Variants in SAMD12 observed in about 807,000 individuals in gnomAD.
The protein encoded by SAMD12 is sterile alpha motif domain-containing protein 12.
A neutral mutation model predicts 15.0 loss-of-function variants in SAMD12; 9 were observed. The observed-to-expected ratio is 0.60, with a 90% CI of 0.36 to 1.05. The LOEUF (loss-of-function observed/expected upper bound fraction) is 1.05, where lower values mean the gene tolerates loss of function less well. Ranked by LOEUF, SAMD12 falls within the 50% of genes least tolerant of loss-of-function variation. The pLI is 0.01. For missense variants in SAMD12, 230 were observed against 234.2 expected (o/e 0.98, Z 0.12); for synonymous variants, 86 against 90.1 (o/e 0.96, Z 0.25).
chr8:118,532,885 A>T (rs1410343555), intron 2 of SAMD12, among the ~76,000 whole-genome samples: 1 of 151,938 alleles, frequency 6.6e-6, no homozygotes, highest in Non-Finnish European at 1.5e-5. Context: ...CTTTCAAAAA[A>T]CCAGCTCCTG....
At chr8:118,506,379 A>G (rs1007240036) in intron 2 of SAMD12, among the ~76,000 whole-genome samples, 2 of 152,140 alleles carry the variant, frequency 1.3e-5, no homozygotes, top group Admixed American at 1.3e-4. Flanking sequence ...AAAACATCTC[A>G]TGAATTCTAA....
intron 4 of SAMD12, among the ~76,000 whole-genome samples, chr8:118,304,531 G>T (rs188269005): frequency 2.6e-5 from 4 of 152,026 alleles, no homozygotes; most frequent in Non-Finnish European, 5.9e-5. Flanking sequence ...AGGCTGAGCC[G>T]GGTGGATCAT....
intron 1 of SAMD12, among the ~76,000 whole-genome samples, chr8:118,608,139 A>T (rs1390926395): frequency 6.6e-6 from 1 of 151,876 alleles, no homozygotes; most frequent in East Asian, 1.9e-4. Context: ...ATAAATTTGC[A>T]TCAAGAGTAG....
chr8:118,151,278 C>A, the SAMD12 span, among the ~76,000 whole-genome samples: 78 of 151,896 alleles, frequency 5.1e-4, no homozygotes, highest in African/African-American at 1.7e-3. Flanking sequence ...GTTTCTTGTA[C>A]GTGAGTTTTA....
intron 1 of SAMD12, among the ~76,000 whole-genome samples, chr8:118,585,166 A>G (rs1453062581): frequency 6.6e-6 from 1 of 152,222 alleles, no homozygotes; most frequent in Non-Finnish European, 1.5e-5. Flanking sequence ...AACCTTGAAG[A>G]CATTATGCTA....
At chr8:118,269,159 T>A (rs1467643142) in intron 4 of SAMD12, among the ~76,000 whole-genome samples, 1 of 151,874 alleles carries the variant, frequency 6.6e-6, no homozygotes, top group Non-Finnish European at 1.5e-5. Flanking sequence ...CATGTCTTGG[T>A]GGATTTATGC....
chr8:118,562,554 T>C (rs1005010059), intron 2 of SAMD12, among the ~76,000 whole-genome samples: 1 of 151,998 alleles, frequency 6.6e-6, no homozygotes, highest in Non-Finnish European at 1.5e-5. Flanking sequence ...TGATCCACAA[T>C]GTAAAATTCT....
rs549856680 is a variant in SAMD12 at position 118,409,292 on chromosome 8, A to G, written c.323-29592T>C. On this transcript the variant is annotated intron_variant, in intron 3 of 3. Coordinates refer to ENST00000314727, the MANE Select transcript of SAMD12 (RefSeq NM_207506.3). ...ATCATTGACGAGATGAGTTTTTGAG[A>G]ACAACTGTGTTTCTACAATTTTCTT... Among the ~76,000 whole-genome samples, 81 of 152,186 alleles carry G rather than the reference A, an allele frequency of 5.3e-4. 1 individual carries two copies. Among genetic ancestry groups the G allele is most frequent in the Admixed American group, 5.2e-3 (79 of 15,298 alleles).
intron 4 of SAMD12, among the ~76,000 whole-genome samples, chr8:118,294,357 A>T (rs1814592728): frequency 6.6e-6 from 1 of 152,174 alleles, no homozygotes. Flanking sequence ...AAAAAACATG[A>T]TCAATTTAGG....
At chr8:118,401,345 T>A (rs1057424100) in intron 3 of SAMD12, among the ~76,000 whole-genome samples, 4 of 152,144 alleles carry the variant, frequency 2.6e-5, no homozygotes, top group African/African-American at 9.7e-5. Context: ...TCGCCTCAGG[T>A]CCTACATATT....
chr8:118,401,599 C>T (rs574206970), intron 3 of SAMD12, among the ~76,000 whole-genome samples: 2 of 149,612 alleles, frequency 1.3e-5, no homozygotes, highest in Admixed American at 1.3e-4. Flanking sequence ...TGGTCTCGAA[C>T]TTTGGCCTCA....
At chr8:118,167,505 G>T in the SAMD12 span, among the ~76,000 whole-genome samples, 1 of 152,048 alleles carries the variant, frequency 6.6e-6, no homozygotes, top group Non-Finnish European at 1.5e-5. Flanking sequence ...TTGGAACACA[G>T]ACAAAAACAT....
At chr8:118,252,047 G>C (rs17432692) in intron 4 of SAMD12, among the ~76,000 whole-genome samples, 9,319 of 152,218 alleles carry the variant, frequency 0.061, 423 homozygotes, top group Non-Finnish European at 0.094. Flanking sequence ...CCTGGGTGCC[G>C]CAGAGGGCAG....
At chr8:118,193,452 C>T (rs1311057558) in exon 5 of SAMD12, 8 of 152,174 alleles carry the variant, frequency 5.3e-5, no homozygotes, top group Admixed American at 2.6e-4. Flanking sequence ...GGATTAGATT[C>T]AGATCTAAAA....
intron 1 of SAMD12, among the ~76,000 whole-genome samples, chr8:118,604,012 T>C (rs1437078545): frequency 6.6e-6 from 1 of 152,164 alleles, no homozygotes; most frequent in East Asian, 1.9e-4. Flanking sequence ...AATCTAAATT[T>C]TACCTATTTA....
At chr8:118,220,327 C>G (rs1812056208) in intron 4 of SAMD12, among the ~76,000 whole-genome samples, 1 of 152,122 alleles carries the variant, frequency 6.6e-6, no homozygotes, top group Non-Finnish European at 1.5e-5. Context: ...ATATATCTAT[C>G]CACTATTTAA....
chr8:118,280,401 G>A (rs1269428081), intron 4 of SAMD12, among the ~76,000 whole-genome samples: 1 of 152,128 alleles, frequency 6.6e-6, no homozygotes, highest in African/African-American at 2.4e-5. Context: ...TGTGCTACAT[G>A]GGCAGGGATA....
At chr8:118,571,921 C>T (rs896457920) in intron 2 of SAMD12, among the ~76,000 whole-genome samples, 11 of 152,178 alleles carry the variant, frequency 7.2e-5, no homozygotes, top group African/African-American at 2.7e-4. Flanking sequence ...GAGAAGACGG[C>T]CACCATCCTC....
At chr8:118,189,946 G>GGAA (rs1319672355) in exon 5 of SAMD12, 1 of 69,056 alleles carries the variant, frequency 1.4e-5, no homozygotes, top group African/African-American at 5.4e-5. Context: ...ATGCACAGAG[G>GGAA]AAAAAAAAAA....
Sources: gnomAD v4.1 joint callset for allele counts (sites outside exome capture counted in the v4.1 genomes callset) on GRCh38, gnomAD v4.1.1 for gene constraint, MANE v1.5 for transcripts, NCBI Gene and HGNC (gene_info 2026-07-23, HGNC 2026-07-21) for gene names.